The following CSMD1 variants were observed in gnomAD, a reference collection of about 807,000 sequenced individuals.
CSMD1 encodes the protein CUB and Sushi multiple domains 1.
CSMD1 carries 213 observed loss-of-function variants against 417.5 expected under a neutral mutation model. The observed-to-expected ratio is 0.51, with a 90% CI of 0.46 to 0.57. The LOEUF (loss-of-function observed/expected upper bound fraction) is 0.57. Among genes scored for constraint, CSMD1 ranks in the 20% least tolerant of loss-of-function variants. The probability of loss-of-function intolerance (pLI) is 0.00; values close to 1 mark genes in which losing one functional copy is unlikely to be tolerated. For synonymous variants in CSMD1, 2,862 were observed against 1,736.8 expected, an observed-to-expected ratio of 1.65 and a Z score of -16.11; for missense variants, 6,923 against 4,529.7, an observed-to-expected ratio of 1.53 and a Z score of -15.17.
At chr8:3,041,562 T>C (rs998771792) in intron 50 of CSMD1, among the ~76,000 whole-genome samples, 1 of 152,260 alleles carries the variant, frequency 6.6e-6, no homozygotes, top group African/African-American at 2.4e-5. Context: ...GAAATATTTT[T>C]GGTTGTTACA....
intron 8 of CSMD1, among the ~76,000 whole-genome samples, chr8:3,595,031 C>G (rs1165915489): frequency 6.6e-6 from 1 of 152,212 alleles, no homozygotes; most frequent in Non-Finnish European, 1.5e-5. Context: ...TCAGCATCCA[C>G]GCGGCACGTG....
intron 5 of CSMD1, among the ~76,000 whole-genome samples, chr8:3,964,605 G>C (rs772421879): frequency 6.6e-6 from 1 of 152,162 alleles, no homozygotes; most frequent in Non-Finnish European, 1.5e-5. Context: ...AATCCCAATT[G>C]TAATGTTTTA....
At chr8:4,252,825 A>G (rs1384838345) in intron 3 of CSMD1, among the ~76,000 whole-genome samples, 1 of 152,240 alleles carries the variant, frequency 6.6e-6, no homozygotes, top group Non-Finnish European at 1.5e-5. Flanking sequence ...AGGATGCACC[A>G]GTGATGACTG....
chr8:3,363,225 T>C (rs1027247858), intron 20 of CSMD1, among the ~76,000 whole-genome samples: 13 of 152,094 alleles, frequency 8.5e-5, no homozygotes, highest in African/African-American at 3.1e-4. Context: ...GCCTAGGCAA[T>C]TAAAGAATGA....
At chr8:3,413,791 G>T (rs1238991671) in intron 12 of CSMD1, among the ~76,000 whole-genome samples, 1 of 152,098 alleles carries the variant, frequency 6.6e-6, no homozygotes, top group Non-Finnish European at 1.5e-5. Flanking sequence ...TACAGTATGT[G>T]TGTCAAACCC....
chr8:3,827,520 T>TC (rs890858994), intron 5 of CSMD1, among the ~76,000 whole-genome samples: 2 of 152,304 alleles, frequency 1.3e-5, no homozygotes, highest in African/African-American at 2.4e-5. Flanking sequence ...CATCTAGGTT[T>TC]CCCCAAGGCA....
intron 1 of CSMD1, among the ~76,000 whole-genome samples, chr8:4,854,606 G>A (rs554452620): frequency 3.9e-5 from 6 of 152,116 alleles, no homozygotes; most frequent in Non-Finnish European, 5.9e-5. Flanking sequence ...CTTGGGAAGC[G>A]GAAGGGGTCA....
chr8:4,794,765 TG>T (rs1362577420), intron 1 of CSMD1, among the ~76,000 whole-genome samples: 2 of 152,196 alleles, frequency 1.3e-5, no homozygotes, highest in African/African-American at 4.8e-5. Flanking sequence ...TTGAATTCCA[TG>T]CCCAAATTCG....
intron 1 of CSMD1, among the ~76,000 whole-genome samples, chr8:4,682,796 T>G (rs1443145546): frequency 6.6e-6 from 1 of 151,258 alleles, no homozygotes; most frequent in Non-Finnish European, 1.5e-5. Flanking sequence ...GAAGCAACAT[T>G]ATATATAAGA....
chr8:4,941,813 G>T (rs1267717463), intron 1 of CSMD1, among the ~76,000 whole-genome samples: 1 of 152,002 alleles, frequency 6.6e-6, no homozygotes, highest in Non-Finnish European at 1.5e-5. Flanking sequence ...TGCCCAGGAT[G>T]GTCTTGAACT....
At chr8:4,808,973 T>C (rs1399337224) in intron 1 of CSMD1, among the ~76,000 whole-genome samples, 3 of 152,210 alleles carry the variant, frequency 2.0e-5, no homozygotes, top group Non-Finnish European at 2.9e-5. Flanking sequence ...CCAGAAAATC[T>C]TGTTTAAAAT....
intron 5 of CSMD1, among the ~76,000 whole-genome samples, chr8:3,825,411 C>T (rs756176359): frequency 6.6e-6 from 1 of 152,098 alleles, no homozygotes; most frequent in African/African-American, 2.4e-5. Context: ...CACCTGTAAT[C>T]CCAGGTACTT....
intron 2 of CSMD1, among the ~76,000 whole-genome samples, chr8:4,473,994 A>G (rs1276328008): frequency 1.3e-5 from 2 of 152,202 alleles, no homozygotes; most frequent in East Asian, 3.8e-4. Flanking sequence ...GACACAAAAA[A>G]TTAATTTCAG....
Position 2,938,762 on chromosome 8 carries a change from C to G in CSMD1, c.10536-18G>C. The G allele has an allele frequency of 6.3e-7, 1 of 1,584,224 alleles. No individual in the cohort carries two copies. The highest frequency in any genetic ancestry group is 8.6e-7 in the Non-Finnish European group (1 of 1,163,162). ...GTCTCGTTCTAAGGAAAACAGAAAA[C>G]AAATCATTAGAATCCTGGTTTCATT... is the stretch of plus-strand genomic sequence containing the variant. On this transcript the variant is annotated intron_variant, in intron 69 of 69. Coordinates refer to ENST00000635120, the MANE Select transcript of CSMD1 (RefSeq NM_033225.6).
intron 5 of CSMD1, among the ~76,000 whole-genome samples, chr8:3,913,404 G>A (rs1186974606): frequency 1.3e-5 from 2 of 152,074 alleles, no homozygotes; most frequent in African/African-American, 2.4e-5. Flanking sequence ...ACCAGAAGAA[G>A]CAAACCACTG....
chr8:3,228,267 T>C lies in CSMD1; in HGVS notation c.4345+1773A>G, dbSNP rs77519191. ...TAAAAAAATTAAAAAGTGTTTTGAA[T>C]CTTTGAAACAGAATTTACATGAGTG... On this transcript the variant is annotated intron_variant, in intron 27 of 69. Transcript: ENST00000635120. 5.9e-3 allele frequency among the ~76,000 whole-genome samples: 905 copies of C among 152,320 alleles called. 7 individuals are homozygous for C. Among genetic ancestry groups the C allele is most frequent in the African/African-American group, 0.02 (847 of 41,558 alleles).
At chr8:3,717,940 C>T (rs1801936615) in intron 6 of CSMD1, among the ~76,000 whole-genome samples, 1 of 152,132 alleles carries the variant, frequency 6.6e-6, no homozygotes, top group Non-Finnish European at 1.5e-5. Context: ...GGCTGTTAAT[C>T]TACTAGGCTA....
intron 1 of CSMD1, among the ~76,000 whole-genome samples, chr8:4,982,857 G>A (rs192585802): frequency 7.2e-5 from 11 of 152,272 alleles, no homozygotes; most frequent in Non-Finnish European, 1.5e-4. Context: ...CTTGTTGCCA[G>A]CAAAGAATGC....
chr8:3,689,179 G>A (rs138850607), intron 7 of CSMD1, among the ~76,000 whole-genome samples: 8 of 152,146 alleles, frequency 5.3e-5, no homozygotes, highest in African/African-American at 1.9e-4. Context: ...AACATGTCAT[G>A]ACTTTCAGGG....
Sources: allele counts gnomAD v4.1 joint callset (sites outside exome capture counted in the v4.1 genomes callset), GRCh38; gene constraint gnomAD v4.1.1; transcripts MANE v1.5; gene names NCBI Gene and HGNC (gene_info 2026-07-23, HGNC 2026-07-21).